RAB3GAP1: variants seen among roughly 807,000 people sequenced by gnomAD.
RAB3GAP1 encodes the protein RAB3 GTPase activating protein catalytic subunit 1.
A neutral mutation model predicts 130.7 loss-of-function variants in RAB3GAP1; 86 were observed. That is an observed-to-expected ratio of 0.66 (90% CI 0.55 to 0.79). The LOEUF is 0.79. Among genes scored for constraint, RAB3GAP1 ranks in the 30% least tolerant of loss-of-function variants. The probability of loss-of-function intolerance (pLI) is 0.00; values close to 1 mark genes in which losing one functional copy is unlikely to be tolerated. For missense variants in RAB3GAP1, 1,029 were observed against 1,169.4 expected (o/e 0.88, Z 1.75); for synonymous variants, 367 against 401.7 (o/e 0.91, Z 1.03).
intron 11 of RAB3GAP1, among the ~76,000 whole-genome samples, chr2:135,129,393 A>G (rs1357048610): frequency 1.3e-5 from 2 of 151,420 alleles, no homozygotes; most frequent in African/African-American, 4.9e-5. Context: ...TGGAGCTTGC[A>G]GTGAGCCGAG....
intron 23 of RAB3GAP1, among the ~76,000 whole-genome samples, chr2:135,167,875 A>AT (rs1032366668): frequency 3.3e-5 from 5 of 151,958 alleles, no homozygotes; most frequent in Admixed American, 2.0e-4. Context: ...TGCCAAAACA[A>AT]TTTTTTTTCC....
At chr2:135,052,668 G>T (rs1350283236) in intron 2 of RAB3GAP1, among the ~76,000 whole-genome samples, 183 bp downstream of exon 2, 1 of 152,104 alleles carries the variant, frequency 6.6e-6, no homozygotes, top group Non-Finnish European at 1.5e-5. Context: ...CTCGCGTCTG[G>T]CAACACCCGG....
intron 2 of RAB3GAP1, among the ~76,000 whole-genome samples, chr2:135,053,774 A>G (rs191278468): frequency 2.0e-5 from 3 of 152,324 alleles, no homozygotes; most frequent in African/African-American, 7.2e-5. Flanking sequence ...AACAACAAAC[A>G]GCAAATAGTT....
intron 19 of RAB3GAP1, among the ~76,000 whole-genome samples, chr2:135,161,582 A>G (rs1344886782): frequency 2.0e-5 from 3 of 152,184 alleles, no homozygotes; most frequent in Non-Finnish European, 4.4e-5. Flanking sequence ...AAGCCTGGTA[A>G]CATTCTGTTT....
At chr2:135,155,899 G>A (rs1692297794) in intron 19 of RAB3GAP1, among the ~76,000 whole-genome samples, 1 of 152,072 alleles carries the variant, frequency 6.6e-6, no homozygotes, top group African/African-American at 2.4e-5. Flanking sequence ...GTTCAATCTA[G>A]TTCTTTTAAA....
Position 135,126,591 on chromosome 2 carries a change from A to G in RAB3GAP1, c.908A>G (p.Asp303Gly), listed in dbSNP as rs770418872. The G allele has an allele frequency of 6.2e-7, 1 of 1,611,722 alleles. No homozygotes were observed. Among genetic ancestry groups the G allele is most frequent in the Non-Finnish European group, 8.5e-7 (1 of 1,177,952 alleles). Reference sequence around the variant, plus strand: ...ATTGGTTTGCATTTTAGTGATTTGGATCCTATTCAAGCTCCACATTGGTCT... The same window carrying G: ...ATTGGTTTGCATTTTAGTGATTTGGGTCCTATTCAAGCTCCACATTGGTCT... ...IVDNDVYSDLDPIQAPHWSVR... is the reference protein window; with the variant it reads ...IVDNDVYSDLGPIQAPHWSVR... The change falls in exon 11 of 24, where the codon GAT becomes GGT. Residue 303 changes from aspartate (D) to glycine (G), a missense_variant. Asp to Gly is a moderately conservative substitution (Grantham distance 94, BLOSUM62 -1). Transcript: ENST00000264158.
rs116275126 is a variant in RAB3GAP1, at chr2:135,076,910, G to A, written c.151-14088G>A. ...CTTCAAGGTTCATTCATGTTGTAAC[G>A]TGTCAGAATTTCATTCCTTTTGAAG... is the stretch of plus-strand genomic sequence containing the variant. On this transcript the variant is annotated intron_variant, in intron 3 of 23. Coordinates refer to ENST00000264158, the MANE Select transcript of RAB3GAP1 (RefSeq NM_012233.3). 3.0e-3 allele frequency among the ~76,000 whole-genome samples: 456 copies of A among 152,286 alleles called. 3 individuals carry two copies. Among genetic ancestry groups the A allele is most frequent in the African/African-American group, 0.01 (422 of 41,558 alleles).
intron 17 of RAB3GAP1, among the ~76,000 whole-genome samples, chr2:135,147,138 G>A (rs1558799042): frequency 6.6e-6 from 1 of 152,050 alleles, no homozygotes; most frequent in African/African-American, 2.4e-5. Context: ...CTGAGGTCAG[G>A]AGTCCAAGAC....
At chr2:135,063,898 A>G (rs973215412) in intron 3 of RAB3GAP1, among the ~76,000 whole-genome samples, 1 of 152,106 alleles carries the variant, frequency 6.6e-6, no homozygotes, top group Non-Finnish European at 1.5e-5. Flanking sequence ...GAACTGCCAT[A>G]CTTTTGGCTG....
chr2:135,123,826 GTTATACTAA>G (rs1170660044), intron 8 of RAB3GAP1, among the ~76,000 whole-genome samples: 3 of 151,992 alleles, frequency 2.0e-5, no homozygotes, highest in African/African-American at 7.3e-5. Context: ...CTCTTTTTGG[GTTATACTAA>G]TTACATTCTT....
At chr2:135,061,600 A>G (rs1376811589) in intron 3 of RAB3GAP1, among the ~76,000 whole-genome samples, 1 of 152,070 alleles carries the variant, frequency 6.6e-6, no homozygotes, top group Non-Finnish European at 1.5e-5. Context: ...TTCCTTTGTG[A>G]AATGTCTTTT....
At chr2:135,118,974 G>A (rs549332991) in intron 7 of RAB3GAP1, among the ~76,000 whole-genome samples, 2 of 152,196 alleles carry the variant, frequency 1.3e-5, no homozygotes, top group African/African-American at 2.4e-5. Flanking sequence ...TGTCAGTGCC[G>A]CCTTCCACAC....
At chr2:135,153,905 G>T in intron 19 of RAB3GAP1, 29 bp downstream of exon 19, 1 of 1,585,414 alleles carries the variant, frequency 6.3e-7, no homozygotes, top group South Asian at 1.1e-5. Context: ...TCTAATACTA[G>T]AATGCAAATT....
chr2:135,160,891 A>G (rs142231596), intron 19 of RAB3GAP1, among the ~76,000 whole-genome samples: 5 of 152,262 alleles, frequency 3.3e-5, no homozygotes, highest in African/African-American at 1.2e-4. Context: ...TTATTCTGAA[A>G]TTATTCGAAA....
At position 135,133,883 on chromosome 2, in the gene RAB3GAP1, C is replaced by T; in HGVS notation, c.1349C>T (p.Ser450Phe). The change falls in exon 15 of 24, where the codon TCT becomes TTT. Residue 450 changes from serine (S) to phenylalanine (F), a missense_variant. Physicochemically the swap from Ser to Phe is radical, Grantham distance 155. This residue lies in a region of RAB3GAP1 where 510 missense variants were observed against 532.1 expected (regional missense o/e 0.96). Transcript: ENST00000264158. ...TAGAATCTCTACAATCAGTTCAAGT[C>T]TGCACCATCTGACAGTTTAACATAC... ...EDYNLYNQFKSAPSDSLTYKL... is the reference protein window; with the variant it reads ...EDYNLYNQFKFAPSDSLTYKL... The T allele has an allele frequency of 6.2e-7, 1 of 1,613,714 alleles. No individual in the cohort carries two copies. The highest frequency in any genetic ancestry group is 8.5e-7 in the Non-Finnish European group (1 of 1,179,682).
intron 3 of RAB3GAP1, among the ~76,000 whole-genome samples, chr2:135,086,455 C>G (rs1403892779): frequency 6.6e-6 from 1 of 152,080 alleles, no homozygotes; most frequent in East Asian, 1.9e-4. Flanking sequence ...TTGCATTTCA[C>G]TGATGACTAT....
chr2:135,093,688 A>G lies in RAB3GAP1; in HGVS notation c.357A>G (p.Val119=), dbSNP rs73959261. ...TTCCTCCAAGAGCACATTGCCTGGT[A>G]AGATGGTAGGTATATCTTTTACTCA... The part of the protein sequence containing the change: ...NDFPPRAHCL[V]RWYGLREFVV... Residue 119 remains valine, a synonymous_variant, in exon 5 of 24, where the codon GTA becomes GTG. Coordinates refer to ENST00000264158, the MANE Select transcript of RAB3GAP1 (RefSeq NM_012233.3). The G allele has an allele frequency of 1.8e-3, 2,960 of 1,608,324 alleles. 54 individuals are homozygous for G. In the African/African-American group the frequency reaches 0.035, roughly 19 times the overall value.
intron 3 of RAB3GAP1, among the ~76,000 whole-genome samples, chr2:135,073,000 G>T (rs1170366802): frequency 6.6e-6 from 1 of 152,198 alleles, no homozygotes; most frequent in Non-Finnish European, 1.5e-5. Flanking sequence ...GACTATGTAG[G>T]TTGAAGTTAC....
rs764331805 is a variant in RAB3GAP1 at position 135,162,820 on chromosome 2, A to T, written c.2459A>T (p.His820Leu). ...ATATCCCATTCCAGTAAAGTTTTGC[A>T]CTTCCCCAATCCAGAAGACAAGAAA... ...QIISHSSKVL[H>L]FPNPEDKKLE... The change falls in exon 21 of 24, where the codon CAC becomes CTC. Residue 820 changes from histidine to leucine, a missense_variant. Around this residue, in one of 3 missense-constraint regions of RAB3GAP1, gnomAD observed 373 missense variants for 493.6 expected, o/e 0.76. Coordinates refer to ENST00000264158, the MANE Select transcript of RAB3GAP1 (RefSeq NM_012233.3). 4 of 1,613,350 alleles carry T rather than the reference A, an allele frequency of 2.5e-6. No homozygotes were observed. The highest frequency in any genetic ancestry group is 3.4e-6 in the Non-Finnish European group (4 of 1,179,350).
Sources: allele counts gnomAD v4.1 joint callset (sites outside exome capture counted in the v4.1 genomes callset), GRCh38; gene constraint gnomAD v4.1.1; regional missense constraint gnomAD v4.1.1; transcripts MANE v1.5; gene names NCBI Gene and HGNC (gene_info 2026-07-23, HGNC 2026-07-21).